Variants in DTWD2 observed in about 807,000 individuals in gnomAD.
DTWD2 encodes DTW motif tRNA-uridine aminocarboxypropyltransferase 2, also known as tRNA-uridine aminocarboxypropyltransferase 2.
Under a neutral mutation model 31.8 loss-of-function variants are expected in DTWD2, and 39 were observed. The ratio of observed to expected loss-of-function variants is 1.22; its 90% CI spans 0.95 to 1.60. The LOEUF is 1.60. DTWD2 is among the 40% of genes most tolerant of loss of function. DTWD2 has a pLI of 0.00. For synonymous variants in DTWD2, 180 were observed against 142.8 expected, an observed-to-expected ratio of 1.26 and a Z score of -1.86; for missense variants, 515 against 381.5, an observed-to-expected ratio of 1.35 and a Z score of -2.92.
chr5:118,850,703 A>C (rs1751980677), intron 4 of DTWD2, among the ~76,000 whole-genome samples: 1 of 152,076 alleles, frequency 6.6e-6, no homozygotes, highest in Non-Finnish European at 1.5e-5. Context: ...GCAAGGAAAA[A>C]GAAATTATCA....
At chr5:118,925,203 C>G (rs9327084) in intron 4 of DTWD2, among the ~76,000 whole-genome samples, 1 of 152,010 alleles carries the variant, frequency 6.6e-6, no homozygotes, top group Non-Finnish European at 1.5e-5. Context: ...GGGATAACAT[C>G]GTTAAAAATA....
chr5:118,955,308 G>A (rs183194885), intron 1 of DTWD2, among the ~76,000 whole-genome samples: 3 of 152,124 alleles, frequency 2.0e-5, no homozygotes, highest in East Asian at 1.9e-4. Flanking sequence ...TTTATAGGAC[G>A]CATTTCTGCT....
At chr5:118,955,691 A>G (rs1408406312) in intron 1 of DTWD2, among the ~76,000 whole-genome samples, 1 of 152,036 alleles carries the variant, frequency 6.6e-6, no homozygotes, top group Admixed American at 6.6e-5. Flanking sequence ...GCTACTCAGG[A>G]GGCTAAGGCA....
intron 1 of DTWD2, chr5:118,988,001 C>G: frequency 1.5e-6 from 1 of 680,534 alleles, no homozygotes; most frequent in Non-Finnish European, 2.7e-6. Context: ...TGTCATCACC[C>G]CTTACTTCCC....
In DTWD2 at chr5:118,907,624, G is replaced by A. The variant is rs563017963; in HGVS notation, c.597+20913C>T. ...CACATGCCTGCAATCCCAGCTACTC[G>A]GGAGGCTAAGGCAGGACAATCACTT... On this transcript the variant is annotated intron_variant, in intron 4 of 5. Transcript: ENST00000510708. 8.8e-4 allele frequency among the ~76,000 whole-genome samples: 134 copies of A among 152,154 alleles called. 3 individuals carry two copies. The highest frequency in any genetic ancestry group is 8.4e-3 in the Admixed American group (128 of 15,290).
At chr5:118,934,941 C>T (rs78212544) in intron 3 of DTWD2, among the ~76,000 whole-genome samples, 3,128 of 152,214 alleles carry the variant, frequency 0.021, 114 homozygotes, top group African/African-American at 0.071. Flanking sequence ...TGGAATACAA[C>T]TCCTAAAATC....
At chr5:118,982,395 G>A (rs564130079) in intron 1 of DTWD2, among the ~76,000 whole-genome samples, 2 of 151,622 alleles carry the variant, frequency 1.3e-5, no homozygotes, top group East Asian at 3.9e-4. Flanking sequence ...ACTTAATTAA[G>A]GTTATGAAAA....
Position 118,840,683 on chromosome 5 carries a change from T to C in DTWD2, c.*234A>G. 1 of 332,330 alleles carries C rather than the reference T, an allele frequency of 3.0e-6. No homozygotes were observed. Among genetic ancestry groups the C allele is most frequent in the South Asian group, 6.2e-5 (1 of 16,146 alleles). The allele number at this position is 332,330 out of a possible 1,614,324, so 20.6% of individuals were successfully genotyped here. ...TAAATTTGGGTTTGAAAACATGTAT[T>C]AGAGGCACATTTTTAAAAACAAGTA... On this transcript the variant is annotated 3_prime_UTR_variant, in exon 6 of 6. Transcript: ENST00000510708.
At chr5:118,934,271 TTAAAAAA>T (rs1753987464) in intron 3 of DTWD2, among the ~76,000 whole-genome samples, 1 of 19,192 alleles carries the variant, frequency 5.2e-5, no homozygotes, top group Non-Finnish European at 1.1e-4. Flanking sequence ...CTTGTCTCCA[TTAAAAAA>T]AAAAAAAAAA....
chr5:118,850,808 AC>A (rs1165781574), intron 4 of DTWD2, among the ~76,000 whole-genome samples: 1 of 152,184 alleles, frequency 6.6e-6, no homozygotes, highest in African/African-American at 2.4e-5. Flanking sequence ...AGAAGCTTAA[AC>A]AAATTTCAAG....
At position 118,881,134 on chromosome 5, in the gene DTWD2, A is replaced by ACC. The variant is rs561413307; in HGVS notation, c.598-32918_598-32917dup. Among the ~76,000 whole-genome samples, 13 of 152,310 alleles carry ACC rather than the reference A, an allele frequency of 8.5e-5. No individual in the cohort carries two copies. In the South Asian group the frequency reaches 2.7e-3, roughly 32 times the overall value. ...CAACAAAATACTTAACATGCTAGCT[A>ACC]CCTTGTGTTTCTCATACTATGTTTA... On this transcript the variant is annotated intron_variant, in intron 4 of 5. Coordinates refer to ENST00000510708, the MANE Select transcript of DTWD2 (RefSeq NM_173666.4).
rs1484124278 is a variant in DTWD2, at chr5:118,985,595, C to G, written c.218+2699G>C. On this transcript the variant is annotated intron_variant, in intron 1 of 5. Transcript: ENST00000510708. ...ACAAAATTAAAGACTCTAGTAAAAT[C>G]TCAGAAGCACTACTTGGTGAACATG... 2.7e-5 allele frequency among the ~76,000 whole-genome samples: 4 copies of G among 149,856 alleles called. No individual in the cohort carries two copies. The Admixed American group carries it at 2.7e-4, about 10-fold the overall frequency.
chr5:118,964,994 G>A (rs997414866), intron 1 of DTWD2, among the ~76,000 whole-genome samples: 7 of 151,890 alleles, frequency 4.6e-5, no homozygotes, highest in African/African-American at 1.7e-4. Flanking sequence ...TACGAAGTGA[G>A]GAGCATCTCT....
chr5:118,939,012 ATTTTG>A (rs1333370617), intron 3 of DTWD2, among the ~76,000 whole-genome samples, 179 bp downstream of exon 3: 1 of 151,626 alleles, frequency 6.6e-6, no homozygotes, highest in Non-Finnish European at 1.5e-5. Context: ...TTTATTTCTG[ATTTTG>A]TTTTGTTTTG....
At chr5:118,921,568 A>C (rs1317397295) in intron 4 of DTWD2, among the ~76,000 whole-genome samples, 1 of 152,090 alleles carries the variant, frequency 6.6e-6, no homozygotes, top group East Asian at 1.9e-4. Context: ...AGTAAAAAGT[A>C]AATCACTGAT....
At position 118,839,343 on chromosome 5, in the gene DTWD2, T is replaced by A. The variant is rs1751653832; in HGVS notation, c.*1574A>T. On this transcript the variant is annotated 3_prime_UTR_variant, in exon 6 of 6. Coordinates refer to ENST00000510708, the MANE Select transcript of DTWD2 (RefSeq NM_173666.4). ...GATATTAAGTGCTTTACATTGTAAA[T>A]GAGCTAGTTTGTTTATTTATTTATT... The A allele has an allele frequency of 1.3e-5, 2 of 152,046 alleles. No homozygotes were observed. The highest frequency in any genetic ancestry group is 4.1e-4 in the South Asian group (2 of 4,830). The allele number at this position is 152,046 out of a possible 1,614,324, so 9.4% of individuals were successfully genotyped here.
In DTWD2 at chr5:118,855,688, C is replaced by A. The variant is rs1752117268; in HGVS notation, c.598-7470G>T. On this transcript the variant is annotated intron_variant, in intron 4 of 5. Transcript: ENST00000510708. ...GATAGCATATAACTCAAGGTTACCA[C>A]CCTTGTTAGAAATATATTGTAAACA... Among the ~76,000 whole-genome samples, 3 of 152,118 alleles carry A rather than the reference C, an allele frequency of 2.0e-5. No homozygotes were observed. The South Asian group carries it at 6.2e-4, about 32-fold the overall frequency.
chr5:118,896,092 C>T (rs189086738), intron 4 of DTWD2, among the ~76,000 whole-genome samples: 193 of 152,160 alleles, frequency 1.3e-3, no homozygotes, highest in African/African-American at 4.5e-3. Flanking sequence ...CCTGAACATA[C>T]TCAAATGTAA....
At chr5:118,986,866 G>A (rs1755439482) in intron 1 of DTWD2, among the ~76,000 whole-genome samples, 1 of 151,694 alleles carries the variant, frequency 6.6e-6, no homozygotes, top group Non-Finnish European at 1.5e-5. Context: ...AGGGAGGAGA[G>A]CTTTTCACAG....
Sources: allele counts gnomAD v4.1 joint callset (sites outside exome capture counted in the v4.1 genomes callset), GRCh38; gene constraint gnomAD v4.1.1; transcripts MANE v1.5; gene names NCBI Gene and HGNC (gene_info 2026-07-23, HGNC 2026-07-21).